Variants in TOX observed in about 807,000 individuals in gnomAD.
TOX encodes thymocyte selection associated high mobility group box, also known as thymocyte selection-associated high mobility group box protein TOX.
TOX carries 11 observed loss-of-function variants against 53.7 expected under a neutral mutation model. That is an observed-to-expected ratio of 0.20 (90% CI 0.13 to 0.34). The LOEUF (loss-of-function observed/expected upper bound fraction) is 0.34. Among genes scored for constraint, TOX ranks in the 10% least tolerant of loss-of-function variants. The pLI, the probability that TOX is intolerant of heterozygous loss-of-function variation, is 1.00. For missense variants in TOX, 570 were observed against 664.6 expected (o/e 0.86, Z 1.56); for synonymous variants, 225 against 245.3 (o/e 0.92, Z 0.77).
chr8:59,025,070 C>T (rs892605934), intron 1 of TOX, among the ~76,000 whole-genome samples: 3 of 152,076 alleles, frequency 2.0e-5, no homozygotes, highest in Non-Finnish European at 2.9e-5. Flanking sequence ...AGTAGGTAAA[C>T]GGTAGAGTGT....
chr8:59,064,617 CTGCT>C (rs1342433459), intron 1 of TOX, among the ~76,000 whole-genome samples: 1 of 152,084 alleles, frequency 6.6e-6, no homozygotes, highest in African/African-American at 2.4e-5. Context: ...AACTCGTGCT[CTGCT>C]TGCACTATTC....
At chr8:59,034,090 C>T (rs111601330) in intron 1 of TOX, among the ~76,000 whole-genome samples, 1 of 152,198 alleles carries the variant, frequency 6.6e-6, no homozygotes, top group South Asian at 2.1e-4. Context: ...ATCAGACTGA[C>T]GGAGGCTGAC....
Position 58,873,958 on chromosome 8 carries a change from C to CTTTTTTTTTTTTTT in TOX, c.412-22167_412-22154dup, listed in dbSNP as rs1173710545. On this transcript the variant is annotated intron_variant, in intron 3 of 8. Transcript: ENST00000361421. The stretch of plus-strand genomic sequence containing the variant: ...AATACACATCCTGAATGCCAGGAAG[C>CTTTTTTTTTTTTTT]TTTTTTTTTTTTTTTTTTTTTTTTT... 4.1e-3 allele frequency among the ~76,000 whole-genome samples: 164 copies of CTTTTTTTTTTTTTT among 40,136 alleles called. 54 individuals are homozygous for CTTTTTTTTTTTTTT. The highest frequency in any genetic ancestry group is 0.021 in the African/African-American group (119 of 5,792). 26.3% of individuals were successfully genotyped at this position (40,136 alleles called of 152,430 possible).
chr8:58,848,873 A>G (rs1437890309), intron 4 of TOX, among the ~76,000 whole-genome samples: 3 of 152,158 alleles, frequency 2.0e-5, no homozygotes, highest in Non-Finnish European at 4.4e-5. Context: ...AATTGCTTAA[A>G]GACAGCACAA....
intron 3 of TOX, among the ~76,000 whole-genome samples, chr8:58,900,951 C>T (rs916192457): frequency 6.6e-6 from 1 of 152,010 alleles, no homozygotes; most frequent in Non-Finnish European, 1.5e-5. Flanking sequence ...CAACAGAATG[C>T]TTCTACAGTT....
chr8:59,059,745 G>A (rs1803945662), intron 1 of TOX, among the ~76,000 whole-genome samples: 2 of 152,106 alleles, frequency 1.3e-5, no homozygotes, highest in African/African-American at 4.8e-5. Context: ...TTTCCCTTAT[G>A]TACAGAGTGT....
intron 3 of TOX, among the ~76,000 whole-genome samples, chr8:58,933,186 T>G (rs1440797386): frequency 6.6e-6 from 1 of 152,190 alleles, no homozygotes; most frequent in Non-Finnish European, 1.5e-5. Context: ...GAGCTTCTGT[T>G]GACTGCACAA....
intron 2 of TOX, 74 bp from the exon 3 acceptor site, chr8:58,939,618 C>A (rs937717610): frequency 4.7e-6 from 7 of 1,476,696 alleles, no homozygotes; most frequent in Non-Finnish European, 6.4e-6. Flanking sequence ...AAACACTTGA[C>A]CCTTTAGATA....
At chr8:59,095,568 G>A (rs934951458) in intron 1 of TOX, among the ~76,000 whole-genome samples, 9 of 151,728 alleles carry the variant, frequency 5.9e-5, no homozygotes, top group African/African-American at 1.2e-4. Flanking sequence ...CACCATGCCC[G>A]GCTAATTTTT....
intron 1 of TOX, among the ~76,000 whole-genome samples, chr8:59,052,159 G>A (rs1190555843): frequency 6.6e-6 from 1 of 152,064 alleles, no homozygotes; most frequent in African/African-American, 2.4e-5. Context: ...ACAGAAACAA[G>A]GATGCTATAT....
intron 1 of TOX, among the ~76,000 whole-genome samples, chr8:59,077,859 T>C (rs1360410965): frequency 1.3e-5 from 2 of 152,184 alleles, no homozygotes; most frequent in African/African-American, 4.8e-5. Context: ...GGCAACTCTA[T>C]ATATGGAACA....
At chr8:58,852,089 G>T (rs1403590474) in intron 3 of TOX, among the ~76,000 whole-genome samples, 1 of 151,708 alleles carries the variant, frequency 6.6e-6, no homozygotes, top group Non-Finnish European at 1.5e-5. Flanking sequence ...TTCTACACTA[G>T]TGAAATATAG....
chr8:58,944,111 G>A lies in TOX; in HGVS notation c.169-4567C>T, dbSNP rs186949182. ...GATCTTAAGCTACTCCCTGGTTCAA[G>A]ACACAAGAGAGTCGCGAGGTGTTGC... On this transcript the variant is annotated intron_variant, in intron 2 of 8. Coordinates refer to ENST00000361421, the MANE Select transcript of TOX (RefSeq NM_014729.3). Among the ~76,000 whole-genome samples, 16 of 152,306 alleles carry A rather than the reference G, an allele frequency of 1.1e-4. No homozygotes were observed. In the East Asian group the frequency reaches 3.1e-3, roughly 29 times the overall value.
intron 7 of TOX, among the ~76,000 whole-genome samples, chr8:58,812,406 G>A (rs1453335664): frequency 3.9e-5 from 6 of 152,052 alleles, no homozygotes; most frequent in African/African-American, 1.4e-4. Flanking sequence ...GACAGGCCAT[G>A]CTCATCCCCA....
intron 1 of TOX, among the ~76,000 whole-genome samples, chr8:58,997,855 C>T (rs561366672): frequency 5.9e-5 from 9 of 152,132 alleles, no homozygotes; most frequent in Admixed American, 4.6e-4. Flanking sequence ...TGCAGTGGCG[C>T]GATCTTGGCT....
In TOX at chr8:59,046,168, C is replaced by T. The variant is rs116955867; in HGVS notation, c.102+72718G>A. On this transcript the variant is annotated intron_variant, in intron 1 of 8. Coordinates refer to ENST00000361421, the MANE Select transcript of TOX (RefSeq NM_014729.3). ...TGTTTTCATTCAATCATTCATTGGA[C>T]AATAACCACCAAAACTATAATAACA... 2.4e-3 allele frequency among the ~76,000 whole-genome samples: 373 copies of T among 152,260 alleles called. 17 individuals are homozygous for T. In the East Asian group the frequency reaches 0.063, roughly 26 times the overall value.
At chr8:59,068,457 A>G (rs1051491433) in intron 1 of TOX, among the ~76,000 whole-genome samples, 7 of 152,132 alleles carry the variant, frequency 4.6e-5, no homozygotes, top group African/African-American at 1.7e-4. Flanking sequence ...CGAAGAGAAG[A>G]AAGAAGAGAA....
intron 6 of TOX, among the ~76,000 whole-genome samples, chr8:58,820,277 T>TAA (rs11457153): frequency 4.3e-4 from 63 of 147,800 alleles, no homozygotes; most frequent in East Asian, 1.8e-3. Context: ...TTCTGTACGT[T>TAA]AAAAAAAAAA....
intron 5 of TOX, among the ~76,000 whole-genome samples, chr8:58,828,502 C>A (rs968074598): frequency 1.3e-5 from 2 of 151,202 alleles, no homozygotes; most frequent in Non-Finnish European, 2.9e-5. Flanking sequence ...TTTTTTTAAG[C>A]ACAAAGCCAA....
Sources: gnomAD v4.1 joint callset for allele counts (sites outside exome capture counted in the v4.1 genomes callset) on GRCh38, gnomAD v4.1.1 for gene constraint, MANE v1.5 for transcripts, NCBI Gene and HGNC (gene_info 2026-07-23, HGNC 2026-07-21) for gene names.